Variants in MECOM observed in about 807,000 individuals in gnomAD.
The protein encoded by MECOM is MDS1 and EVI1 complex locus.
MECOM carries 13 observed loss-of-function variants against 116.3 expected under a neutral mutation model. That is an observed-to-expected ratio of 0.11 (90% confidence interval 0.07 to 0.18). MECOM has a LOEUF of 0.18. Ranked by LOEUF, MECOM falls within the 10% of genes least tolerant of loss-of-function variation. The probability of loss-of-function intolerance (pLI) is 1.00; values close to 1 mark genes in which losing one functional copy is unlikely to be tolerated. For missense variants in MECOM, 1,299 were observed against 1,509.0 expected, an observed-to-expected ratio of 0.86 and a Z score of 2.31; for synonymous variants, 528 against 535.2, an observed-to-expected ratio of 0.99 and a Z score of 0.19.
chr3:169,602,270 C>T (rs11716015), intron 1 of MECOM, among the ~76,000 whole-genome samples: 96,698 of 152,084 alleles, frequency 0.64, 31,044 homozygotes, highest in East Asian at 0.74. Flanking sequence ...GAGATGTTCT[C>T]TATTCGTCAG....
intron 1 of MECOM, among the ~76,000 whole-genome samples, chr3:169,534,076 G>A (rs1759013827): frequency 6.6e-6 from 1 of 152,160 alleles, no homozygotes; most frequent in African/African-American, 2.4e-5. Flanking sequence ...GATACCTAGA[G>A]TGCTTCCACT....
chr3:169,506,512 C>T (rs16847800), intron 1 of MECOM, among the ~76,000 whole-genome samples: 4,079 of 151,568 alleles, frequency 0.027, 174 homozygotes, highest in African/African-American at 0.094. Context: ...GGCCCACAGA[C>T]TGTGCATTTA....
intron 1 of MECOM, among the ~76,000 whole-genome samples, chr3:169,518,474 G>T (rs1756969579): frequency 6.6e-6 from 1 of 152,098 alleles, no homozygotes; most frequent in Non-Finnish European, 1.5e-5. Context: ...TGGACTCATT[G>T]TTGAGTCTGG....
chr3:169,294,925 A>G (rs1715309728), intron 2 of MECOM, among the ~76,000 whole-genome samples: 1 of 151,846 alleles, frequency 6.6e-6, no homozygotes, highest in Non-Finnish European at 1.5e-5. Context: ...CCGGATCCAC[A>G]AGCACCCTCT....
intron 2 of MECOM, among the ~76,000 whole-genome samples, chr3:169,322,882 C>A (rs991978802): frequency 6.8e-6 from 1 of 146,776 alleles, no homozygotes; most frequent in African/African-American, 2.6e-5. Context: ...CCTGTAATCC[C>A]AGCTACGTGG....
chr3:169,136,850 G>A (rs116120236), intron 3 of MECOM, among the ~76,000 whole-genome samples: 7 of 152,158 alleles, frequency 4.6e-5, no homozygotes, highest in Middle Eastern at 3.4e-3. Context: ...ATGAATCCCC[G>A]TTTATTTTTC....
At chr3:169,419,275 C>T (rs951982905) in intron 1 of MECOM, among the ~76,000 whole-genome samples, 1 of 152,144 alleles carries the variant, frequency 6.6e-6, no homozygotes, top group African/African-American at 2.4e-5. Flanking sequence ...ATATTCCGTG[C>T]TCATGGATAG....
At chr3:169,553,349 GAAAAT>G (rs1167960235) in intron 1 of MECOM, among the ~76,000 whole-genome samples, 1 of 152,150 alleles carries the variant, frequency 6.6e-6, no homozygotes, top group East Asian at 1.9e-4. Context: ...GCTAAAAAAA[GAAAAT>G]AAAGCAGGAT....
chr3:169,591,438 C>T (rs1024333718), intron 1 of MECOM, among the ~76,000 whole-genome samples: 3 of 152,084 alleles, frequency 2.0e-5, no homozygotes, highest in Admixed American at 2.0e-4. Flanking sequence ...AGTCGAGAGT[C>T]GGATGCACCA....
chr3:169,526,155 T>C (rs1757946183), intron 1 of MECOM, among the ~76,000 whole-genome samples: 1 of 152,030 alleles, frequency 6.6e-6, no homozygotes, highest in African/African-American at 2.4e-5. Flanking sequence ...GAGAATTAGA[T>C]TGGATTTGAA....
chr3:169,093,148 T>C, intron 13 of MECOM, 46 bp from the exon 14 acceptor site: 1 of 1,534,530 alleles, frequency 6.5e-7, no homozygotes, highest in South Asian at 1.3e-5. Context: ...ATTGTTTATC[T>C]AGCAACTTAT....
At chr3:169,094,164 A>G (rs1280518781) in intron 13 of MECOM, among the ~76,000 whole-genome samples, 1 of 152,190 alleles carries the variant, frequency 6.6e-6, no homozygotes, top group Non-Finnish European at 1.5e-5. Flanking sequence ...TAATCAGACA[A>G]GATCATAAAT....
intron 1 of MECOM, chr3:169,566,044 C>T (rs1023440871): frequency 1.2e-5 from 5 of 408,908 alleles, no homozygotes; most frequent in Non-Finnish European, 2.4e-5. Flanking sequence ...GGACCTTCTT[C>T]ACATGGAGGC....
intron 10 of MECOM, among the ~76,000 whole-genome samples, chr3:169,106,886 A>G (rs1248184411): frequency 1.3e-5 from 2 of 152,152 alleles, no homozygotes; most frequent in Non-Finnish European, 2.9e-5. Context: ...TGCCTAAGTT[A>G]GTGGGTTGAT....
chr3:169,613,410 T>A (rs1404753981), intron 1 of MECOM: 1 of 152,144 alleles, frequency 6.6e-6, no homozygotes. Flanking sequence ...TGTCTTTAAG[T>A]TTTTTGGAAG....
intron 2 of MECOM, among the ~76,000 whole-genome samples, chr3:169,332,210 G>C (rs1313237968): frequency 1.3e-5 from 2 of 152,130 alleles, no homozygotes; most frequent in Non-Finnish European, 2.9e-5. Context: ...TTGTCCTAGA[G>C]AGTCTGGGGC....
chr3:169,365,369 ACT>A (rs1436399884), intron 2 of MECOM, among the ~76,000 whole-genome samples: 2 of 152,008 alleles, frequency 1.3e-5, no homozygotes, highest in Admixed American at 6.6e-5. Flanking sequence ...TCAGCTAGTG[ACT>A]CTATATCGAG....
chr3:169,193,615 G>A (rs947595125), intron 2 of MECOM, among the ~76,000 whole-genome samples: 4 of 151,546 alleles, frequency 2.6e-5, no homozygotes, highest in Admixed American at 1.3e-4. Flanking sequence ...ATGAGAATAA[G>A]GCCTTTCAAT....
chr3:169,575,003 G>A (rs1764322996), intron 1 of MECOM, among the ~76,000 whole-genome samples: 1 of 151,960 alleles, frequency 6.6e-6, no homozygotes, highest in South Asian at 2.1e-4. Flanking sequence ...ACCGAAGCAG[G>A]GGCAAAGCAG....
Sources: gnomAD v4.1 joint callset for allele counts (sites outside exome capture counted in the v4.1 genomes callset) on GRCh38, gnomAD v4.1.1 for gene constraint, MANE v1.5 for transcripts, NCBI Gene and HGNC (gene_info 2026-07-23, HGNC 2026-07-21) for gene names.